The following MAF variants were observed in gnomAD, a reference collection of about 807,000 sequenced individuals.
MAF encodes MAF bZIP transcription factor, also known as transcription factor Maf.
MAF carries 10 observed loss-of-function variants against 22.0 expected under a neutral mutation model. The ratio of observed to expected loss-of-function variants is 0.45; its 90% CI spans 0.28 to 0.77. MAF has a LOEUF of 0.77. Ranked by LOEUF, MAF falls within the 30% of genes least tolerant of loss-of-function variation. The pLI is 0.12. For synonymous variants in MAF, 337 were observed against 255.8 expected (o/e 1.32, Z -3.03); for missense variants, 544 against 548.4 (o/e 0.99, Z 0.08).
the MAF span, among the ~76,000 whole-genome samples, chr16:79,360,874 C>A: frequency 6.6e-5 from 10 of 152,174 alleles, no homozygotes; most frequent in Admixed American, 6.5e-4. Flanking sequence ...TTGCTCCTGC[C>A]ATGAAAGCTG....
the MAF span, among the ~76,000 whole-genome samples, chr16:79,370,602 G>A: frequency 6.6e-6 from 1 of 152,194 alleles, no homozygotes; most frequent in African/African-American, 2.4e-5. Flanking sequence ...CACCTCTGCA[G>A]GATCCTAGGG....
the MAF span, among the ~76,000 whole-genome samples, chr16:79,435,034 T>C: frequency 6.6e-6 from 1 of 152,126 alleles, no homozygotes; most frequent in Non-Finnish European, 1.5e-5. Context: ...CAGCAGAGTG[T>C]GGAGAAGCGA....
chr16:79,239,240 C>T, the MAF span, among the ~76,000 whole-genome samples: 1 of 152,026 alleles, frequency 6.6e-6, no homozygotes, highest in Admixed American at 6.6e-5. Flanking sequence ...TGCATGGGTG[C>T]CCTAGGCTCC....
the MAF span, among the ~76,000 whole-genome samples, chr16:79,547,904 G>GAGAGAGACAGAC: frequency 7.4e-6 from 1 of 134,992 alleles, no homozygotes; most frequent in African/African-American, 2.7e-5. Flanking sequence ...GTGTGTGTGA[G>GAGAGAGACAGAC]AGAGAGAGAG....
chr16:79,204,463 T>C, the MAF span: 95,432 of 151,958 alleles, frequency 0.63, 31,882 homozygotes, highest in Non-Finnish European at 0.76. Flanking sequence ...CTCACAATAA[T>C]AGCAGGTCTC....
chr16:79,245,499 A>G, the MAF span, among the ~76,000 whole-genome samples: 1 of 152,136 alleles, frequency 6.6e-6, no homozygotes, highest in Non-Finnish European at 1.5e-5. Context: ...AATTGAAACC[A>G]CAATGAGATA....
At chr16:79,301,546 G>A in the MAF span, among the ~76,000 whole-genome samples, 1 of 151,980 alleles carries the variant, frequency 6.6e-6, no homozygotes, top group East Asian at 1.9e-4. Context: ...TGTTTTATAT[G>A]CATTTACATA....
chr16:79,504,995 C>T, the MAF span, among the ~76,000 whole-genome samples: 1 of 152,094 alleles, frequency 6.6e-6, no homozygotes, highest in African/African-American at 2.4e-5. Context: ...GGAGTATGCC[C>T]TCATCTGCAA....
the MAF span, among the ~76,000 whole-genome samples, chr16:79,243,693 G>A: frequency 4.6e-5 from 7 of 151,874 alleles, no homozygotes; most frequent in African/African-American, 1.4e-4. Context: ...AGAAAAACAG[G>A]GAATCCTCCC....
chr16:79,244,731 T>C, the MAF span, among the ~76,000 whole-genome samples: 177 of 152,156 alleles, frequency 1.2e-3, 2 homozygotes, highest in African/African-American at 3.8e-3. Context: ...AAATTTCATA[T>C]GGAACCAAAA....
chr16:79,465,539 C>G, the MAF span, among the ~76,000 whole-genome samples: 1 of 152,124 alleles, frequency 6.6e-6, no homozygotes, highest in Non-Finnish European at 1.5e-5. Context: ...TTGCAGTGAG[C>G]CGTGATCCCG....
chr16:79,598,606 GT>G (rs34841366), intron 1 of MAF, 178 bp downstream of exon 1: 2 of 1,496,872 alleles, frequency 1.3e-6, no homozygotes, highest in Non-Finnish European at 1.8e-6. Flanking sequence ...GTGTGTGTGT[GT>G]GTGGTGTGTG....
chr16:79,247,711 T>C, the MAF span, among the ~76,000 whole-genome samples: 1 of 152,108 alleles, frequency 6.6e-6, no homozygotes, highest in Non-Finnish European at 1.5e-5. Context: ...CTGGAAGCCT[T>C]TGTTGGTTAA....
chr16:79,586,484 A>G (rs1160594959), intron 1 of MAF, among the ~76,000 whole-genome samples: 2 of 152,234 alleles, frequency 1.3e-5, no homozygotes, highest in African/African-American at 4.8e-5. Context: ...TTTAACAAAT[A>G]GAACAGCTTA....
At chr16:79,437,069 T>A in the MAF span, among the ~76,000 whole-genome samples, 1 of 152,110 alleles carries the variant, frequency 6.6e-6, no homozygotes, top group Non-Finnish European at 1.5e-5. Context: ...CCCACACTGT[T>A]AATAACCTCG....
the MAF span, chr16:79,211,706 A>ACCAGAAGC: frequency 6.2e-7 from 1 of 1,614,166 alleles, no homozygotes; most frequent in Non-Finnish European, 8.5e-7. Context: ...GCATGCCCTC[A>ACCAGAAGC]CCAGAAGCTC....
the MAF span, among the ~76,000 whole-genome samples, chr16:79,528,257 G>A: frequency 6.6e-6 from 1 of 152,174 alleles, no homozygotes; most frequent in Non-Finnish European, 1.5e-5. Context: ...CAAGGTGCCT[G>A]CAGCCCTTTG....
chr16:79,220,634 G>A, the MAF span, among the ~76,000 whole-genome samples: 1 of 152,024 alleles, frequency 6.6e-6, no homozygotes, highest in Admixed American at 6.6e-5. Context: ...ATAAATCGTG[G>A]TTTAGTAAAT....
the MAF span, among the ~76,000 whole-genome samples, chr16:79,210,616 A>G: frequency 1.3e-5 from 2 of 152,316 alleles, no homozygotes; most frequent in East Asian, 3.9e-4. Context: ...GGGCTCTGAA[A>G]CACATAAATA....
Sources: gnomAD v4.1 joint callset for allele counts (sites outside exome capture counted in the v4.1 genomes callset) on GRCh38, gnomAD v4.1.1 for gene constraint, MANE v1.5 for transcripts, NCBI Gene and HGNC (gene_info 2026-07-23, HGNC 2026-07-21) for gene names.